FAM167A: variants seen among roughly 807,000 people sequenced by gnomAD.
The protein encoded by FAM167A is protein FAM167A.
In FAM167A, 23 loss-of-function variants were observed where a neutral mutation model predicts 14.9. The observed-to-expected ratio is 1.55, with a 90% CI of 1.11 to 2.19. The LOEUF is 2.19. FAM167A is among the 30% of genes most tolerant of loss of function. FAM167A has a pLI of 0.00. For synonymous variants in FAM167A, 174 were observed against 117.7 expected (o/e 1.48, Z -3.10); for missense variants, 401 against 281.5 (o/e 1.42, Z -3.04).
At chr8:11,469,774 T>C (rs1807894853), upstream of FAM167A, among the ~76,000 whole-genome samples, 1 of 151,938 alleles carries the variant, frequency 6.6e-6, no homozygotes, top group South Asian at 2.1e-4. Context: ...TCCCAGCTAC[T>C]TGGGAGGCTG....
chr8:11,426,587 C>A (rs189569769), intron 2 of FAM167A, among the ~76,000 whole-genome samples: 7 of 152,128 alleles, frequency 4.6e-5, no homozygotes, highest in Admixed American at 4.6e-4. Context: ...GGATGCACAC[C>A]TGGGAGGCAG....
At chr8:11,470,753 G>C (rs926418935), upstream of FAM167A, among the ~76,000 whole-genome samples, 1 of 152,164 alleles carries the variant, frequency 6.6e-6, no homozygotes, top group Non-Finnish European at 1.5e-5. Flanking sequence ...GCTCCAGGCA[G>C]CAATGAAGAC....
At chr8:11,451,702 T>C (rs944612377) in intron 1 of FAM167A, among the ~76,000 whole-genome samples, 5 of 152,156 alleles carry the variant, frequency 3.3e-5, no homozygotes, top group African/African-American at 1.2e-4. Flanking sequence ...CGACTCTGAA[T>C]TGGGTGCGTG....
intron 2 of FAM167A, among the ~76,000 whole-genome samples, chr8:11,435,266 C>T (rs1227669193): frequency 1.3e-5 from 2 of 152,182 alleles, no homozygotes; most frequent in Non-Finnish European, 2.9e-5. Flanking sequence ...CCTCTCCCTG[C>T]AGAGGGGATG....
intron 1 of FAM167A, among the ~76,000 whole-genome samples, chr8:11,462,449 C>T (rs1807579668): frequency 6.6e-6 from 1 of 152,200 alleles, no homozygotes; most frequent in Non-Finnish European, 1.5e-5. Context: ...ATACGACTGT[C>T]ACCTCCTGCT....
At chr8:11,438,185 C>T (rs973383996) in intron 2 of FAM167A, 5 of 454,084 alleles carry the variant, frequency 1.1e-5, no homozygotes, top group Middle Eastern at 3.3e-4. Context: ...CTCTCAGCCC[C>T]GGAATCGCCA....
At chr8:11,469,921 TA>T (rs55860512), upstream of FAM167A, among the ~76,000 whole-genome samples, 7 of 145,016 alleles carry the variant, frequency 4.8e-5, no homozygotes, top group East Asian at 1.1e-3. Context: ...AATAAATAAA[TA>T]AAAGATTTAA....
At chr8:11,459,762 TG>T (rs1807465893) in intron 1 of FAM167A, among the ~76,000 whole-genome samples, 1 of 152,242 alleles carries the variant, frequency 6.6e-6, no homozygotes, top group African/African-American at 2.4e-5. Flanking sequence ...TCACCCAGGC[TG>T]GAATGCAGCG....
intron 1 of FAM167A, among the ~76,000 whole-genome samples, chr8:11,449,302 G>C (rs1271693648): frequency 6.6e-6 from 1 of 152,230 alleles, no homozygotes; most frequent in Admixed American, 6.5e-5. Context: ...CAGCAGAAAA[G>C]CTTGTCACTG....
intron 1 of FAM167A, among the ~76,000 whole-genome samples, chr8:11,473,446 C>T (rs895360419): frequency 6.6e-6 from 1 of 152,114 alleles, no homozygotes; most frequent in Non-Finnish European, 1.5e-5. Flanking sequence ...GGGACTTGGG[C>T]TCTTAATATT....
intron 1 of FAM167A, among the ~76,000 whole-genome samples, chr8:11,453,481 T>C (rs1202237089): frequency 1.3e-5 from 2 of 152,172 alleles, no homozygotes; most frequent in East Asian, 3.9e-4. Flanking sequence ...ATTACACAGA[T>C]GAAGAGACCG....
chr8:11,461,407 G>A (rs775228589), intron 1 of FAM167A, among the ~76,000 whole-genome samples: 60 of 152,274 alleles, frequency 3.9e-4, no homozygotes, highest in Non-Finnish European at 7.2e-4. Context: ...CCCGCCAACC[G>A]CCACATGAGA....
intron 1 of FAM167A, among the ~76,000 whole-genome samples, chr8:11,461,940 G>T (rs574644422): frequency 2.0e-5 from 3 of 152,204 alleles, no homozygotes; most frequent in African/African-American, 7.2e-5. Flanking sequence ...GGGCTAGAAG[G>T]GTCCTTAGGG....
intron 1 of FAM167A, among the ~76,000 whole-genome samples, chr8:11,462,948 C>T (rs990719286): frequency 6.6e-6 from 1 of 152,162 alleles, no homozygotes; most frequent in Non-Finnish European, 1.5e-5. Context: ...AATTCAGAGA[C>T]ACTCTTGACT....
upstream of FAM167A, among the ~76,000 whole-genome samples, chr8:11,469,686 G>C (rs913104045): frequency 6.6e-6 from 1 of 150,854 alleles, no homozygotes; most frequent in Non-Finnish European, 1.5e-5. Context: ...GGGCAACATG[G>C]TGAGACCCCA....
intron 1 of FAM167A, among the ~76,000 whole-genome samples, chr8:11,451,920 C>G (rs543511454): frequency 6.6e-6 from 1 of 152,182 alleles, no homozygotes; most frequent in Non-Finnish European, 1.5e-5. Context: ...CACCTGACAG[C>G]CTTACAATAA....
intron 2 of FAM167A, 111 bp downstream of exon 2, chr8:11,443,920 G>A (rs1806599599): frequency 7.5e-7 from 1 of 1,324,816 alleles, no homozygotes; most frequent in East Asian, 2.3e-5. Flanking sequence ...TTAGAGAGAG[G>A]GGAAGAAATA....
chr8:11,424,377 C>A lies in FAM167A; in HGVS notation c.641G>T (p.Cys214Phe), dbSNP rs1423865092. The A allele has an allele frequency of 6.2e-7, 1 of 1,614,052 alleles. No homozygotes were observed. The highest frequency in any genetic ancestry group is 2.2e-5 in the East Asian group (1 of 44,884). The change falls in exon 3 of 3, where the codon TGC (cysteine) becomes TTC (phenylalanine). Residue 214 changes from cysteine to phenylalanine, a missense_variant. Transcript: ENST00000284486. The stretch of plus-strand genomic sequence containing the variant: ...TCCGCCCAGTCTGAGGGCTCCTCAG[C>A]AGAGAGAGAACCTCCGAGAGTTGAT... The part of the protein sequence containing the change: ...MNINSRRFSL[C>F]
At chr8:11,463,663 G>A (rs957671047) in intron 1 of FAM167A, among the ~76,000 whole-genome samples, 1 of 152,212 alleles carries the variant, frequency 6.6e-6, no homozygotes, top group African/African-American at 2.4e-5. Flanking sequence ...CTGCGAGGGA[G>A]CCCTTGGGCA....
Sources: gnomAD v4.1 joint callset for allele counts (sites outside exome capture counted in the v4.1 genomes callset) on GRCh38, gnomAD v4.1.1 for gene constraint, MANE v1.5 for transcripts, NCBI Gene and HGNC (gene_info 2026-07-23, HGNC 2026-07-21) for gene names.